The following ATP2B2 variants were observed in gnomAD, a reference collection of about 807,000 sequenced individuals.
ATP2B2 encodes the protein ATPase plasma membrane Ca2+ transporting 2.
Under a neutral mutation model 120.0 loss-of-function variants are expected in ATP2B2, and 15 were observed. The ratio of observed to expected loss-of-function variants is 0.12; its 90% CI spans 0.08 to 0.19. The LOEUF (loss-of-function observed/expected upper bound fraction) is 0.19. Ranked by LOEUF, ATP2B2 falls within the 10% of genes least tolerant of loss-of-function variation. The pLI is 1.00. For synonymous variants in ATP2B2, 694 were observed against 700.3 expected, an observed-to-expected ratio of 0.99 and a Z score of 0.14; for missense variants, 1,045 against 1,719.8, an observed-to-expected ratio of 0.61 and a Z score of 6.94.
chr3:10,476,750 G>A (rs7630395), intron 1 of ATP2B2, among the ~76,000 whole-genome samples: 28,406 of 152,184 alleles, frequency 0.19, 3,121 homozygotes, highest in East Asian at 0.48. Flanking sequence ...TAGTTTAGAG[G>A]AAATTAAATT....
chr3:10,559,774 C>A (rs554386555), intron 2 of ATP2B2, among the ~76,000 whole-genome samples: 10 of 152,218 alleles, frequency 6.6e-5, no homozygotes, highest in Non-Finnish European at 1.2e-4. Context: ...TCCAAGGAGA[C>A]ACAAGTTCCA....
intron 3 of ATP2B2, among the ~76,000 whole-genome samples, chr3:10,409,786 T>C (rs1402884912): frequency 1.3e-5 from 2 of 152,238 alleles, no homozygotes; most frequent in Admixed American, 1.3e-4. Flanking sequence ...ATTTCTTATG[T>C]GCTATTAACT....
intron 5 of ATP2B2, among the ~76,000 whole-genome samples, chr3:10,394,255 A>AT (rs772933946): frequency 4.1e-4 from 63 of 152,266 alleles, no homozygotes; most frequent in Non-Finnish European, 8.4e-4. Context: ...AACAAAGCCA[A>AT]AACGATTCCC....
At chr3:10,495,091 A>G (rs145443076) in intron 1 of ATP2B2, among the ~76,000 whole-genome samples, 2 of 152,328 alleles carry the variant, frequency 1.3e-5, no homozygotes, top group East Asian at 3.9e-4. Context: ...GACCAAGGAC[A>G]TGGTCAATTC....
chr3:10,601,194 A>G (rs1316865532), intron 2 of ATP2B2, among the ~76,000 whole-genome samples: 1 of 152,114 alleles, frequency 6.6e-6, no homozygotes, highest in Non-Finnish European at 1.5e-5. Context: ...TCTCTAGGCA[A>G]AAAAGAAGAA....
At chr3:10,542,782 T>C (rs1233321137) in intron 2 of ATP2B2, among the ~76,000 whole-genome samples, 2 of 152,236 alleles carry the variant, frequency 1.3e-5, no homozygotes, top group African/African-American at 4.8e-5. Flanking sequence ...TTTTAGTTTT[T>C]AGAAATGTAT....
At chr3:10,588,627 A>G (rs1220055949) in intron 2 of ATP2B2, among the ~76,000 whole-genome samples, 1 of 152,134 alleles carries the variant, frequency 6.6e-6, no homozygotes, top group African/African-American at 2.4e-5. Context: ...GGAAGCATGG[A>G]TCTCTGGAGG....
intron 12 of ATP2B2, among the ~76,000 whole-genome samples, chr3:10,362,391 G>A (rs1423215656): frequency 6.6e-6 from 1 of 152,200 alleles, no homozygotes; most frequent in Non-Finnish European, 1.5e-5. Flanking sequence ...GAGCAGACCC[G>A]ATTCACATGG....
At chr3:10,456,997 TC>T (rs1402770627) in intron 1 of ATP2B2, among the ~76,000 whole-genome samples, 2 of 152,176 alleles carry the variant, frequency 1.3e-5, no homozygotes, top group Non-Finnish European at 2.9e-5. Context: ...CTCTTAGATA[TC>T]CTCTCTGGGG....
At chr3:10,650,714 A>G (rs556244055) in intron 1 of ATP2B2, among the ~76,000 whole-genome samples, 13 of 152,320 alleles carry the variant, frequency 8.5e-5, no homozygotes, top group African/African-American at 3.1e-4. Flanking sequence ...TGCAGCTGTC[A>G]GAAGAGGGCT....
intron 1 of ATP2B2, among the ~76,000 whole-genome samples, chr3:10,625,777 C>T (rs2069681361): frequency 6.6e-6 from 1 of 152,186 alleles, no homozygotes; most frequent in Non-Finnish European, 1.5e-5. Flanking sequence ...CACTCTGGGA[C>T]ACCTCTCCAA....
In ATP2B2 at chr3:10,344,686, G is replaced by A. The variant is rs543816448; in HGVS notation, c.2703+698C>T. Among the ~76,000 whole-genome samples, 34 of 152,308 alleles carry A rather than the reference G, an allele frequency of 2.2e-4. 2 individuals are homozygous for A. In the South Asian group the frequency reaches 5.6e-3, roughly 25 times the overall value. ...CAGGAGACTGCAAGAACAATGGCAGGTCCCTGGCCAGTCCATCCTCTGAGC... is the reference window on the plus strand; with the variant it reads ...CAGGAGACTGCAAGAACAATGGCAGATCCCTGGCCAGTCCATCCTCTGAGC... On this transcript the variant is annotated intron_variant, in intron 18 of 22. Coordinates refer to ENST00000360273, the MANE Select transcript of ATP2B2 (RefSeq NM_001001331.4).
At chr3:10,379,715 C>T (rs948098385) in intron 8 of ATP2B2, among the ~76,000 whole-genome samples, 2 of 151,952 alleles carry the variant, frequency 1.3e-5, no homozygotes, top group African/African-American at 2.4e-5. Context: ...TCAGTTACGT[C>T]CTTTTCATTT....
intron 1 of ATP2B2, among the ~76,000 whole-genome samples, chr3:10,654,636 T>A (rs2070562699): frequency 6.6e-6 from 1 of 152,064 alleles, no homozygotes; most frequent in Admixed American, 6.5e-5. Flanking sequence ...CCAGCATAGA[T>A]TTATCCTGTG....
intron 1 of ATP2B2, among the ~76,000 whole-genome samples, chr3:10,692,301 A>T (rs999790451): frequency 2.0e-5 from 3 of 152,180 alleles, no homozygotes; most frequent in African/African-American, 7.2e-5. Flanking sequence ...CTGCTGTCCT[A>T]TTCCCTGCCT....
chr3:10,669,117 T>C (rs1575607812), intron 1 of ATP2B2, among the ~76,000 whole-genome samples: 1 of 152,164 alleles, frequency 6.6e-6, no homozygotes, highest in Non-Finnish European at 1.5e-5. Flanking sequence ...TGGGACCCTC[T>C]GGGAAGCCAC....
chr3:10,500,711 G>T (rs2066348854), intron 1 of ATP2B2, among the ~76,000 whole-genome samples: 1 of 152,214 alleles, frequency 6.6e-6, no homozygotes, highest in South Asian at 2.1e-4. Context: ...AACCCTGCTG[G>T]CTCCTGACTC....
chr3:10,646,125 G>A (rs1453124904), intron 1 of ATP2B2, among the ~76,000 whole-genome samples: 1 of 152,184 alleles, frequency 6.6e-6, no homozygotes, highest in Non-Finnish European at 1.5e-5. Flanking sequence ...AGTTCTGGCC[G>A]ATATCAATGT....
intron 2 of ATP2B2, among the ~76,000 whole-genome samples, chr3:10,564,600 G>A (rs2067972993): frequency 6.6e-6 from 1 of 152,146 alleles, no homozygotes; most frequent in Non-Finnish European, 1.5e-5. Flanking sequence ...AACTGTCCCA[G>A]GATGTCCCTG....
Sources: gnomAD v4.1 joint callset for allele counts (sites outside exome capture counted in the v4.1 genomes callset) on GRCh38, gnomAD v4.1.1 for gene constraint, MANE v1.5 for transcripts, NCBI Gene and HGNC (gene_info 2026-07-23, HGNC 2026-07-21) for gene names.